The following MAN1B1 variants were observed in gnomAD, a reference collection of about 807,000 sequenced individuals.
MAN1B1 encodes the protein endoplasmic reticulum mannosyl-oligosaccharide 1,2-alpha-mannosidase.
In MAN1B1, 66 loss-of-function variants were observed where a neutral mutation model predicts 75.5. The ratio of observed to expected loss-of-function variants is 0.87; its 90% confidence interval spans 0.72 to 1.07. The LOEUF is 1.07. Ranked by LOEUF, MAN1B1 falls within the 50% of genes least tolerant of loss-of-function variation. The pLI is 0.00. For missense variants in MAN1B1, 973 were observed against 912.5 expected, an observed-to-expected ratio of 1.07 and a Z score of -0.85; for synonymous variants, 453 against 382.8, an observed-to-expected ratio of 1.18 and a Z score of -2.14.
chr9:137,103,437 C>G (rs1830967826), intron 8 of MAN1B1: 1 of 426,722 alleles, frequency 2.3e-6, no homozygotes. Flanking sequence ...TGCAGGCATG[C>G]AGGTCGGTGG....
intron 5 of MAN1B1, among the ~76,000 whole-genome samples, chr9:137,098,550 C>T (rs1362638949): frequency 6.6e-6 from 1 of 152,164 alleles, no homozygotes; most frequent in Non-Finnish European, 1.5e-5. Context: ...AGCCAGGACT[C>T]CCAGCCCCGG....
chr9:137,105,282 C>G (rs1441940911), intron 8 of MAN1B1: 1 of 154,104 alleles, frequency 6.5e-6, no homozygotes, highest in Admixed American at 6.5e-5. Flanking sequence ...ATGAGCTGGA[C>G]ACAGCCCTCT....
chr9:137,094,395 A>C (rs1564277417), intron 3 of MAN1B1: 1 of 502,256 alleles, frequency 2.0e-6, no homozygotes, highest in Non-Finnish European at 4.0e-6. Flanking sequence ...CTGTGGACTC[A>C]ATAGCAGGGA....
intron 5 of MAN1B1, among the ~76,000 whole-genome samples, chr9:137,098,727 C>T (rs753555525): frequency 6.6e-5 from 10 of 152,030 alleles, no homozygotes; most frequent in South Asian, 2.1e-4. Context: ...CAATGTTGGC[C>T]GGGCGTGGTG....
chr9:137,094,462 G>A, intron 3 of MAN1B1: 1 of 419,904 alleles, frequency 2.4e-6, no homozygotes, highest in Non-Finnish European at 4.8e-6. Context: ...GAAACACAGT[G>A]GAACTAGTGG....
At chr9:137,104,397 G>A (rs1022595968) in intron 8 of MAN1B1, 9 of 290,718 alleles carry the variant, frequency 3.1e-5, no homozygotes, top group Non-Finnish European at 4.7e-5. Context: ...ACCACGCCCA[G>A]CTAATTTTTG....
chr9:137,101,794 AAC>A (rs1057254779), intron 8 of MAN1B1, 122 bp downstream of exon 8: 11 of 1,176,678 alleles, frequency 9.3e-6, no homozygotes, highest in South Asian at 3.9e-5. Context: ...ACTGTGATAA[AAC>A]ACACAAAACG....
At chr9:137,094,485 A>G (rs1448791835) in intron 3 of MAN1B1, 11 of 362,066 alleles carry the variant, frequency 3.0e-5, no homozygotes, top group Non-Finnish European at 6.2e-5. Context: ...CACATCTGTC[A>G]TCCCAGCACT....
intron 8 of MAN1B1, chr9:137,103,228 ATT>A (rs1830948137): frequency 4.9e-6 from 2 of 407,092 alleles, no homozygotes; most frequent in Admixed American, 2.8e-5. Flanking sequence ...TGTTACACAC[ATT>A]CATGGTGTTG....
chr9:137,090,673 G>A (rs1341425157), intron 3 of MAN1B1, among the ~76,000 whole-genome samples: 4 of 152,004 alleles, frequency 2.6e-5, no homozygotes, highest in Admixed American at 1.3e-4. Context: ...CCGAGTAGCT[G>A]GGATTACAGG....
chr9:137,100,746 A>G (rs1053187748), intron 6 of MAN1B1, among the ~76,000 whole-genome samples: 3 of 151,978 alleles, frequency 2.0e-5, no homozygotes, highest in Non-Finnish European at 4.4e-5. Flanking sequence ...CACCCTCCCC[A>G]GTAGTTGGGA....
Position 137,088,150 on chromosome 9 carries a change from C to T in MAN1B1, c.295C>T (p.Leu99Phe), listed in dbSNP as rs1345026833. 1.1e-5 allele frequency: 17 copies of T among 1,614,138 alleles called. No homozygotes were observed. Among genetic ancestry groups the T allele is most frequent in the Non-Finnish European group, 1.4e-5 (17 of 1,180,020 alleles). Residue 99 changes from leucine (L) to phenylalanine (F), a missense_variant, in exon 2 of 13, where the codon CTC (leucine) becomes TTC (phenylalanine). Leu to Phe is a conservative substitution (Grantham distance 22). Transcript: ENST00000371589. ...LLAFLLFCGL[L>F]FYINLADHWK... Reference sequence around the variant, plus strand: ...TGCCTTTCTGCTTTTCTGTGGACTCCTCTTCTACATCAACTTGGCTGACCA... The same window carrying T: ...TGCCTTTCTGCTTTTCTGTGGACTCTTCTTCTACATCAACTTGGCTGACCA...
At chr9:137,093,412 T>A (rs1830568041) in intron 3 of MAN1B1, among the ~76,000 whole-genome samples, 3 of 152,092 alleles carry the variant, frequency 2.0e-5, no homozygotes, top group Admixed American at 2.0e-4. Context: ...TCCATCACAA[T>A]CACAAGAAAA....
intron 8 of MAN1B1, chr9:137,104,391 C>A (rs895376617): frequency 2.6e-4 from 76 of 292,428 alleles, no homozygotes; most frequent in Non-Finnish European, 2.7e-5. Context: ...CCTGCCACCA[C>A]GCCCAGCTAA....
rs774832284 is a variant in MAN1B1, at chr9:137,106,165, C to G, written c.1295C>G (p.Ser432Cys). 5.0e-5 allele frequency: 80 copies of G among 1,612,864 alleles called. No individual in the cohort carries two copies. Among genetic ancestry groups the G allele is most frequent in the Middle Eastern group, 1.6e-4 (1 of 6,084 alleles). Residue 432 changes from serine to cysteine, a missense_variant, in exon 9 of 13, where the codon TCT (serine) becomes TGT (cysteine). Physicochemically the swap from Ser to Cys is moderately radical, Grantham distance 112. Coordinates refer to ENST00000371589, the MANE Select transcript of MAN1B1 (RefSeq NM_016219.5). Reference protein sequence around the residue: ...EKVTQHIHGLSGKKDGLVPMF... With the variant: ...EKVTQHIHGLCGKKDGLVPMF... Reference sequence around the variant, plus strand: ...GTGACACAGCACATCCACGGCCTGTCTGGGAAGAAGGATGGGCTGGTGCCC... The same window carrying G: ...GTGACACAGCACATCCACGGCCTGTGTGGGAAGAAGGATGGGCTGGTGCCC...
intron 1 of MAN1B1, among the ~76,000 whole-genome samples, chr9:137,087,833 G>A (rs935601928): frequency 1.3e-5 from 2 of 152,176 alleles, no homozygotes; most frequent in Admixed American, 6.5e-5. Context: ...CCTGCTGAGA[G>A]GGAACTTCTC....
intron 8 of MAN1B1, chr9:137,103,850 C>G: frequency 2.2e-6 from 1 of 454,060 alleles, no homozygotes; most frequent in Non-Finnish European, 4.4e-6. Flanking sequence ...TACACACATT[C>G]ACACTTGCAG....
At chr9:137,087,949 A>G in intron 1 of MAN1B1, 126 bp from the exon 2 acceptor site, 6 of 856,770 alleles carry the variant, frequency 7.0e-6, no homozygotes, top group Non-Finnish European at 1.1e-5. Context: ...TTCCAAAAAA[A>G]AAAAGAAATA....
chr9:137,087,245 G>C, intron 1 of MAN1B1, 27 bp downstream of exon 1: 2 of 1,550,940 alleles, frequency 1.3e-6, no homozygotes, highest in Non-Finnish European at 8.7e-7. Flanking sequence ...GCTGACTGGG[G>C]CCCGGGGCTG....
Sources: allele counts gnomAD v4.1 joint callset (sites outside exome capture counted in the v4.1 genomes callset), GRCh38; gene constraint gnomAD v4.1.1; transcripts MANE v1.5; gene names NCBI Gene and HGNC (gene_info 2026-07-23, HGNC 2026-07-21).